SLC6A9: variants seen among roughly 807,000 people sequenced by gnomAD.
SLC6A9 encodes the protein sodium- and chloride-dependent glycine transporter 1.
A neutral mutation model predicts 70.9 loss-of-function variants in SLC6A9; 31 were observed. The ratio of observed to expected loss-of-function variants is 0.44; its 90% CI spans 0.33 to 0.59. The LOEUF (loss-of-function observed/expected upper bound fraction) is 0.59, where lower values mean the gene tolerates loss of function less well. Ranked by LOEUF, SLC6A9 falls within the 20% of genes least tolerant of loss-of-function variation. The probability of loss-of-function intolerance (pLI) is 0.04; values close to 1 mark genes in which losing one functional copy is unlikely to be tolerated. For missense variants in SLC6A9, 631 were observed against 845.2 expected, an observed-to-expected ratio of 0.75 and a Z score of 3.14; for synonymous variants, 310 against 341.3, an observed-to-expected ratio of 0.91 and a Z score of 1.01.
intron 2 of SLC6A9, among the ~76,000 whole-genome samples, chr1:44,022,851 G>A (rs2154307419): frequency 6.6e-6 from 1 of 151,478 alleles, no homozygotes; most frequent in East Asian, 2.0e-4. Flanking sequence ...GATTACAGGT[G>A]CGCACCACCA....
intron 5 of SLC6A9, among the ~76,000 whole-genome samples, chr1:44,003,291 G>A (rs1280387190): frequency 6.6e-6 from 1 of 152,256 alleles, no homozygotes; most frequent in Non-Finnish European, 1.5e-5. Flanking sequence ...AGATCTCCTT[G>A]TCCCCAGTTG....
intron 2 of SLC6A9, among the ~76,000 whole-genome samples, chr1:44,014,414 C>T (rs928504356): frequency 2.6e-5 from 4 of 151,948 alleles, no homozygotes; most frequent in African/African-American, 4.8e-5. Context: ...GGCTTTCCTT[C>T]CATGGCGGGG....
intron 1 of SLC6A9, among the ~76,000 whole-genome samples, chr1:44,026,625 C>A (rs558341697): frequency 6.6e-6 from 1 of 151,874 alleles, no homozygotes; most frequent in East Asian, 1.9e-4. Context: ...CACCACTGTA[C>A]TCCAGCCTGG....
intron 5 of SLC6A9, among the ~76,000 whole-genome samples, chr1:44,005,106 G>A (rs6660227): frequency 0.064 from 9,699 of 152,196 alleles, 681 homozygotes; most frequent in African/African-American, 0.18. Context: ...GACTGTGAAC[G>A]ACCTCCCAAG....
intron 2 of SLC6A9, chr1:44,011,461 C>T: frequency 3.1e-6 from 3 of 980,206 alleles, no homozygotes; most frequent in Non-Finnish European, 4.7e-6. Flanking sequence ...AGCAGCTGAG[C>T]CGGGACAGAC....
At position 44,017,117 on chromosome 1, in the gene SLC6A9, G is replaced by A. The variant is rs200000132; in HGVS notation, c.31-6235C>T. 62 of 1,606,106 alleles carry A rather than the reference G, an allele frequency of 3.9e-5. No homozygotes were observed. The highest frequency in any genetic ancestry group is 5.1e-5 in the Non-Finnish European group (60 of 1,177,070). On this transcript the variant is annotated intron_variant, in intron 2 of 13. Transcript: ENST00000372310. Reference sequence around the variant, plus strand: ...CCTGGGGCGAGCGATCGCAGCCCGCGTGTCTCCGCCGCTCATTCACACCTC... The same window carrying A: ...CCTGGGGCGAGCGATCGCAGCCCGCATGTCTCCGCCGCTCATTCACACCTC...
At chr1:44,024,704 G>A (rs2086949880) in intron 1 of SLC6A9, among the ~76,000 whole-genome samples, 1 of 152,222 alleles carries the variant, frequency 6.6e-6, no homozygotes, top group Non-Finnish European at 1.5e-5. Flanking sequence ...CTTTCCCCAG[G>A]AGGGGAATCA....
chr1:44,017,375 AC>A (rs2086788497), intron 2 of SLC6A9: 2 of 713,288 alleles, frequency 2.8e-6, no homozygotes, highest in East Asian at 8.1e-5. Flanking sequence ...AACAACACAC[AC>A]ACACACACAC....
At chr1:43,998,985 G>T (rs950844522) in intron 12 of SLC6A9, among the ~76,000 whole-genome samples, 9 of 151,558 alleles carry the variant, frequency 5.9e-5, no homozygotes, top group Admixed American at 2.6e-4. Flanking sequence ...CGGGGGAAGG[G>T]GGGGGGCAGT....
chr1:44,003,901 C>T (rs1211630161), intron 5 of SLC6A9, among the ~76,000 whole-genome samples: 1 of 152,120 alleles, frequency 6.6e-6, no homozygotes, highest in Non-Finnish European at 1.5e-5. Context: ...TACAGGCCTG[C>T]AGGGGCATCT....
In SLC6A9 at chr1:44,010,657, G is replaced by A. The variant is rs1043119623; in HGVS notation, c.187+69C>T. ...CTGGAGTGGGTCTGTGCCAGGGAGA[G>A]GGTGGCCCAGGCCCTGGTGGGTGGG... On this transcript the variant is annotated intron_variant, in intron 3 of 13. Transcript: ENST00000372310. 6.1e-6 allele frequency: 9 copies of A among 1,473,400 alleles called. No individual in the cohort carries two copies. In the African/African-American group the frequency reaches 1.2e-4, roughly 20 times the overall value. The allele number at this position is 1,473,400 out of a possible 1,614,324, so 91.3% of individuals were successfully genotyped here.
chr1:44,029,629 G>A (rs926755197), intron 1 of SLC6A9, among the ~76,000 whole-genome samples: 1 of 152,108 alleles, frequency 6.6e-6, no homozygotes, highest in African/African-American at 2.4e-5. Context: ...CTTGCCACAC[G>A]TAGCAATTGA....
In SLC6A9 at chr1:44,028,785, GA is replaced by G. The variant is rs1262573131; in HGVS notation, c.-86+2520del. 1.5e-3 allele frequency among the ~76,000 whole-genome samples: 221 copies of G among 148,118 alleles called. 1 individual carries two copies. Among genetic ancestry groups the G allele is most frequent in the African/African-American group, 5.5e-3 (208 of 37,814 alleles). ...AAAAGAAAAAGAAAAAAGAAAGAGA[GA>G]GAGAGAAAGAAAGAAAGGAAGGAAG... On this transcript the variant is annotated intron_variant, in intron 1 of 13. Coordinates refer to ENST00000372310, the MANE Select transcript of SLC6A9 (RefSeq NM_001024845.3).
Position 44,002,740 on chromosome 1 carries a change from C to G in SLC6A9, c.724-94G>C. On this transcript the variant is annotated intron_variant, in intron 6 of 13. Transcript: ENST00000372310. This position sits in a 1 kb window ranked among gnomAD's most constrained non-coding sequence, Gnocchi z 5.5. The stretch of plus-strand genomic sequence containing the variant: ...CTAATCACCACCAGCCCCCTGGTCC[C>G]TCTCCGGCTCCGGAGTCCCTTCAGC... 1 of 1,593,128 alleles carries G rather than the reference C, an allele frequency of 6.3e-7. No individual in the cohort carries two copies. The highest frequency in any genetic ancestry group is 1.3e-5 in the African/African-American group (1 of 74,524).
chr1:44,017,166 C>T (rs202059035), intron 2 of SLC6A9: 323 of 1,601,864 alleles, frequency 2.0e-4, no homozygotes, highest in Non-Finnish European at 2.7e-4. Flanking sequence ...GCGACACTGA[C>T]GCATCCCCTG....
At chr1:44,027,697 C>A (rs2087006841) in intron 1 of SLC6A9, among the ~76,000 whole-genome samples, 1 of 152,188 alleles carries the variant, frequency 6.6e-6, no homozygotes, top group Admixed American at 6.5e-5. Flanking sequence ...AAACTGAGAC[C>A]AGGAGTGGTG....
At chr1:44,010,207 A>T in intron 3 of SLC6A9, 111 bp from the exon 4 acceptor site, 3 of 1,215,442 alleles carry the variant, frequency 2.5e-6, no homozygotes, top group Non-Finnish European at 3.5e-6. Flanking sequence ...GGACCCAGGG[A>T]GGAGTGTGCC....
intron 2 of SLC6A9, among the ~76,000 whole-genome samples, chr1:44,012,682 G>A (rs1175858219): frequency 6.6e-6 from 1 of 152,244 alleles, no homozygotes; most frequent in Non-Finnish European, 1.5e-5. Context: ...TTTAGATGTG[G>A]CTTCAGGGTG....
Position 44,002,730 on chromosome 1 carries a change from C to T in SLC6A9, c.724-84G>A, listed in dbSNP as rs2086164775. On this transcript the variant is annotated intron_variant, in intron 6 of 13. Coordinates refer to ENST00000372310, the MANE Select transcript of SLC6A9 (RefSeq NM_001024845.3). The surrounding 1 kb of genome is among the most constrained non-coding windows in gnomAD (Gnocchi z 5.5). ...CCCTGGCTCCCTAATCACCACCAGCCCCCTGGTCCCTCTCCGGCTCCGGAG... is the reference window on the plus strand; with the variant it reads ...CCCTGGCTCCCTAATCACCACCAGCTCCCTGGTCCCTCTCCGGCTCCGGAG... 6.3e-7 allele frequency: 1 copy of T among 1,593,964 alleles called. No homozygotes were observed. Among genetic ancestry groups the T allele is most frequent in the African/African-American group, 1.3e-5 (1 of 74,556 alleles).
Sources: allele counts gnomAD v4.1 joint callset (sites outside exome capture counted in the v4.1 genomes callset), GRCh38; gene constraint gnomAD v4.1.1; non-coding constraint Gnocchi (gnomAD v3.1); transcripts MANE v1.5; gene names NCBI Gene and HGNC (gene_info 2026-07-23, HGNC 2026-07-21).